The following ISL1 variants were observed in gnomAD, a reference collection of about 807,000 sequenced individuals.
The protein encoded by ISL1 is ISL LIM homeobox 1.
Under a neutral mutation model 35.3 loss-of-function variants are expected in ISL1, and 4 were observed. That is an observed-to-expected ratio of 0.11 (90% CI 0.06 to 0.26). The LOEUF (loss-of-function observed/expected upper bound fraction) is 0.26, where lower values mean the gene tolerates loss of function less well. ISL1 is among the 10% of genes least tolerant of loss of function. The pLI is 1.00. For synonymous variants in ISL1, 186 were observed against 172.3 expected, an observed-to-expected ratio of 1.08 and a Z score of -0.62; for missense variants, 340 against 472.8, an observed-to-expected ratio of 0.72 and a Z score of 2.60.
chr5:51,386,868 G>A (rs1747353447), intron 2 of ISL1, among the ~76,000 whole-genome samples: 1 of 152,194 alleles, frequency 6.6e-6, no homozygotes, highest in Admixed American at 6.5e-5. Flanking sequence ...GAAAGTACTT[G>A]TGCAAAAGGA....
At position 51,393,990 on chromosome 5, in the gene ISL1, TA is replaced by T; in HGVS notation, c.*382del. 1 of 300,062 alleles carries T rather than the reference TA, an allele frequency of 3.3e-6. No homozygotes were observed. The highest frequency in any genetic ancestry group is 6.4e-6 in the Non-Finnish European group (1 of 156,288). The allele number at this position is 300,062 out of a possible 1,614,324, so 18.6% of individuals were successfully genotyped here. The stretch of plus-strand genomic sequence containing the variant: ...AAATAGAAAATTTTCTAGTCCATCC[TA>T]ATCTGAATGGTGCTGTTTCTATATT... On this transcript the variant is annotated 3_prime_UTR_variant, in exon 6 of 6. Transcript: ENST00000230658.
rs1561205702 is a variant in ISL1, at chr5:51,384,528, A to G, written c.29-13A>G. 1 of 1,612,830 alleles carries G rather than the reference A, an allele frequency of 6.2e-7. No homozygotes were observed. The highest frequency in any genetic ancestry group is 2.2e-5 in the East Asian group (1 of 44,854). On this transcript the variant is annotated splice_polypyrimidine_tract_variant and intron_variant, in intron 1 of 5. Transcript: ENST00000230658. Reference sequence around the variant, plus strand: ...TAAACGGTTAGTCAATCATGTATTTATTTTCATTTCAGAAAAACGTCTGAT... The same window carrying G: ...TAAACGGTTAGTCAATCATGTATTTGTTTTCATTTCAGAAAAACGTCTGAT...
chr5:51,391,358 G>T lies in ISL1; in HGVS notation c.850G>T (p.Val284Leu), dbSNP rs1200612005. The change falls in exon 5 of 6, where the codon GTA (valine) becomes TTA (leucine). Residue 284 changes from valine to leucine, a missense_variant. Val to Leu is a conservative substitution (Grantham distance 32, BLOSUM62 1). Coordinates refer to ENST00000230658, the MANE Select transcript of ISL1 (RefSeq NM_002202.3). ...TGGCTTACAGGCTAACCCAGTGGAA[G>T]TACAAAGTTACCAGCCACCTTGGAA... ...DGGLQANPVE[V>L]QSYQPPWKVL... 1 of 1,614,050 alleles carries T rather than the reference G, an allele frequency of 6.2e-7. No homozygotes were observed. The highest frequency in any genetic ancestry group is 8.5e-7 in the Non-Finnish European group (1 of 1,180,054).
intron 2 of ISL1, chr5:51,386,376 C>CTCTG: frequency 7.6e-6 from 2 of 261,796 alleles, no homozygotes; most frequent in South Asian, 3.6e-5. Context: ...TCTCTCAACT[C>CTCTG]TGTGTGTGTG....
In ISL1 at chr5:51,390,584, C is replaced by T. The variant is rs1429875928; in HGVS notation, c.765+652C>T. ...CCACGGAAGCACCCACTCTGCAGGC[C>T]TCCTGGTGAAGTTAAGCTAGAGTTT... is the stretch of plus-strand genomic sequence containing the variant. On this transcript the variant is annotated intron_variant, in intron 4 of 5. Transcript: ENST00000230658. Among the ~76,000 whole-genome samples, 10 of 149,474 alleles carry T rather than the reference C, an allele frequency of 6.7e-5. No individual in the cohort carries two copies. The East Asian group carries it at 1.8e-3, about 28-fold the overall frequency.
At chr5:51,386,413 TA>T in intron 2 of ISL1, 1 of 360,890 alleles carries the variant, frequency 2.8e-6, no homozygotes, top group Non-Finnish European at 5.4e-6. Flanking sequence ...TGTGTGTGTG[TA>T]ATCTTGTAGT....
rs1051130299 is a variant in ISL1 at position 51,383,460 on chromosome 5, G to A, written c.-212G>A. The A allele has an allele frequency of 8.1e-6, 5 of 617,646 alleles. No homozygotes were observed. The highest frequency in any genetic ancestry group is 7.4e-5 in the African/African-American group (4 of 54,096). The allele number at this position is 617,646 out of a possible 1,614,324, so 38.3% of individuals were successfully genotyped here. A position where few individuals can be genotyped will look rare whatever the true frequency, so the allele number is the denominator to read the frequency against. Reference sequence around the variant, plus strand: ...CCCGAGCCGCGCCGAGTCTGCCGCCGCCGCAGCGCCTCCGCTCCGCCAACT... The same window carrying A: ...CCCGAGCCGCGCCGAGTCTGCCGCCACCGCAGCGCCTCCGCTCCGCCAACT... On this transcript the variant is annotated 5_prime_UTR_variant, in exon 1 of 6. Coordinates refer to ENST00000230658, the MANE Select transcript of ISL1 (RefSeq NM_002202.3).
Position 51,384,589 on chromosome 5 carries a change from A to G in ISL1, c.77A>G (p.Asp26Gly). Residue 26 changes from aspartate to glycine, a missense_variant, in exon 2 of 6, where the codon GAT becomes GGT. Physicochemically the swap from Asp to Gly is moderately conservative, Grantham distance 94. Transcript: ENST00000230658. ...LCVGCGNQIHDQYILRVSPDL... is the reference protein window; with the variant it reads ...LCVGCGNQIHGQYILRVSPDL... ...GTTGGTTGCGGCAATCAGATTCACG[A>G]TCAGTATATTCTGAGGGTTTCTCCG... 1 of 1,614,126 alleles carries G rather than the reference A, an allele frequency of 6.2e-7. No homozygotes were observed. The highest frequency in any genetic ancestry group is 8.5e-7 in the Non-Finnish European group (1 of 1,180,016).
chr5:51,385,002 T>C (rs1747309561), intron 2 of ISL1, among the ~76,000 whole-genome samples: 1 of 152,206 alleles, frequency 6.6e-6, no homozygotes, highest in Non-Finnish European at 1.5e-5. Context: ...GATGCACAAA[T>C]TATTTTCCTC....
Position 51,387,388 on chromosome 5 carries a change from C to T in ISL1, c.219-102C>T. ...AATGCTGTTTACTTGGGGCGTCTTG[C>T]CCGGGATCTTGGGCCAGGGAAGTGC... On this transcript the variant is annotated intron_variant, in intron 2 of 5. Transcript: ENST00000230658. The surrounding 1 kb of genome is among the most constrained non-coding windows in gnomAD (Gnocchi z 4.3). The T allele has an allele frequency of 2.3e-6, 3 of 1,322,770 alleles. No individual in the cohort carries two copies. Among genetic ancestry groups the T allele is most frequent in the Non-Finnish European group, 3.2e-6 (3 of 937,090 alleles). 81.9% of individuals were successfully genotyped at this position (1,322,770 alleles called of 1,614,324 possible). A position where few individuals can be genotyped will look rare whatever the true frequency, so the allele number is the denominator to read the frequency against.
chr5:51,387,400 G>T lies in ISL1; in HGVS notation c.219-90G>T. ...TTGGGGCGTCTTGCCCGGGATCTTG[G>T]GCCAGGGAAGTGCCGGCCTGAAGTG... On this transcript the variant is annotated intron_variant, in intron 2 of 5. Transcript: ENST00000230658. The surrounding 1 kb of genome is among the most constrained non-coding windows in gnomAD (Gnocchi z 4.3). 6.9e-7 allele frequency: 1 copy of T among 1,439,108 alleles called. No individual in the cohort carries two copies. Among genetic ancestry groups the T allele is most frequent in the South Asian group, 1.2e-5 (1 of 82,914 alleles). The allele number at this position is 1,439,108 out of a possible 1,614,324, so 89.1% of individuals were successfully genotyped here. A position where few individuals can be genotyped will look rare whatever the true frequency, so the allele number is the denominator to read the frequency against.
Position 51,383,473 on chromosome 5 carries a change from C to T in ISL1, c.-199C>T, listed in dbSNP as rs1236461532. 4 of 630,268 alleles carry T rather than the reference C, an allele frequency of 6.3e-6. No individual in the cohort carries two copies. The highest frequency in any genetic ancestry group is 5.6e-5 in the South Asian group (3 of 53,580). The allele number at this position is 630,268 out of a possible 1,614,324, so 39.0% of individuals were successfully genotyped here. A position where few individuals can be genotyped will look rare whatever the true frequency, so the allele number is the denominator to read the frequency against. On this transcript the variant is annotated 5_prime_UTR_variant, in exon 1 of 6. Coordinates refer to ENST00000230658, the MANE Select transcript of ISL1 (RefSeq NM_002202.3). Reference sequence around the variant, plus strand: ...GAGTCTGCCGCCGCCGCAGCGCCTCCGCTCCGCCAACTCCGCCGGCTTAAA... The same window carrying T: ...GAGTCTGCCGCCGCCGCAGCGCCTCTGCTCCGCCAACTCCGCCGGCTTAAA...
chr5:51,390,314 G>A (rs1467916042), intron 4 of ISL1, among the ~76,000 whole-genome samples: 1 of 152,154 alleles, frequency 6.6e-6, no homozygotes, highest in Non-Finnish European at 1.5e-5. Context: ...AGTTCCTCAC[G>A]TACACAAGAA....
At position 51,391,405 on chromosome 5, in the gene ISL1, G is replaced by A; in HGVS notation, c.897G>A (p.Leu299=). 6.2e-7 allele frequency: 1 copy of A among 1,614,174 alleles called. No individual in the cohort carries two copies. The highest frequency in any genetic ancestry group is 8.5e-7 in the Non-Finnish European group (1 of 1,180,030). Residue 299 remains leucine, a synonymous_variant, in exon 5 of 6, where the codon TTG becomes TTA. Transcript: ENST00000230658. ...PPWKVLSDFA[L]QSDIDQPAFQ... ...GGAAAGTACTGAGCGACTTCGCCTT[G>A]CAGAGTGACATAGATCAGCCTGCTT... is the stretch of plus-strand genomic sequence containing the variant.
At chr5:51,393,388 ATATC>A (rs2111859453) in intron 5 of ISL1, 102 bp from the exon 6 acceptor site, 2 of 755,034 alleles carry the variant, frequency 2.6e-6, no homozygotes, top group Admixed American at 1.9e-5. Flanking sequence ...ATATCTTTAC[ATATC>A]TATCTACACA....
chr5:51,392,628 T>G (rs1032761656), intron 5 of ISL1, among the ~76,000 whole-genome samples: 1 of 152,068 alleles, frequency 6.6e-6, no homozygotes, highest in African/African-American at 2.4e-5. Context: ...GAAAAAAAAA[T>G]TATTCTAAGC....
chr5:51,392,901 C>T (rs1428743008), intron 5 of ISL1, among the ~76,000 whole-genome samples: 1 of 151,948 alleles, frequency 6.6e-6, no homozygotes, highest in African/African-American at 2.4e-5. Flanking sequence ...GGGATGATGT[C>T]ATAATATATG....
chr5:51,384,885 A>G (rs1561205880), intron 2 of ISL1, among the ~76,000 whole-genome samples, 155 bp downstream of exon 2: 1 of 152,220 alleles, frequency 6.6e-6, no homozygotes, highest in Non-Finnish European at 1.5e-5. Flanking sequence ...AAAAAAATCA[A>G]GCTATGCTGT....
In ISL1 at chr5:51,387,406, G is replaced by A. The variant is rs567936540; in HGVS notation, c.219-84G>A. The A allele has an allele frequency of 6.8e-7, 1 of 1,479,036 alleles. No homozygotes were observed. The highest frequency in any genetic ancestry group is 1.4e-5 in the African/African-American group (1 of 71,900). 91.6% of individuals were successfully genotyped at this position (1,479,036 alleles called of 1,614,324 possible). On this transcript the variant is annotated intron_variant, in intron 2 of 5. Transcript: ENST00000230658. The surrounding 1 kb of genome is among the most constrained non-coding windows in gnomAD (Gnocchi z 4.3). The stretch of plus-strand genomic sequence containing the variant: ...CGTCTTGCCCGGGATCTTGGGCCAG[G>A]GAAGTGCCGGCCTGAAGTGACCCCC...
Sources: allele counts gnomAD v4.1 joint callset (sites outside exome capture counted in the v4.1 genomes callset), GRCh38; gene constraint gnomAD v4.1.1; non-coding constraint Gnocchi (gnomAD v3.1); transcripts MANE v1.5; gene names NCBI Gene and HGNC (gene_info 2026-07-23, HGNC 2026-07-21).